TPD52L1: variants seen among roughly 807,000 people sequenced by gnomAD.
TPD52L1 encodes TPD52 like 1.
Under a neutral mutation model 28.7 loss-of-function variants are expected in TPD52L1, and 18 were observed. The observed-to-expected ratio is 0.63, with a 90% confidence interval of 0.43 to 0.93. The LOEUF (loss-of-function observed/expected upper bound fraction) is 0.93, where lower values mean the gene tolerates loss of function less well. Ranked by LOEUF, TPD52L1 falls within the 40% of genes least tolerant of loss-of-function variation. The pLI is 0.00. For synonymous variants in TPD52L1, 75 were observed against 88.8 expected, an observed-to-expected ratio of 0.84 and a Z score of 0.88; for missense variants, 203 against 254.8, an observed-to-expected ratio of 0.80 and a Z score of 1.39.
intron 1 of TPD52L1, among the ~76,000 whole-genome samples, chr6:125,188,269 C>T (rs142827570): frequency 6.6e-4 from 100 of 152,264 alleles, no homozygotes; most frequent in African/African-American, 2.4e-3. Context: ...TGGAAAGGCA[C>T]ATTTTTATCC....
At chr6:125,154,469 C>A in intron 1 of TPD52L1, 1 of 985,930 alleles carries the variant, frequency 1.0e-6, no homozygotes, top group Non-Finnish European at 1.2e-6. Context: ...GCTTCCCGCT[C>A]GGGGACCCGC....
chr6:125,259,875 G>A (rs1258391354), intron 6 of TPD52L1: 1 of 152,196 alleles, frequency 6.6e-6, no homozygotes, highest in Non-Finnish European at 1.5e-5. Context: ...ATGTAGAGAA[G>A]GGTCCAGGAG....
chr6:125,171,044 G>A (rs73771245), intron 1 of TPD52L1, among the ~76,000 whole-genome samples: 3 of 152,290 alleles, frequency 2.0e-5, no homozygotes, highest in African/African-American at 7.2e-5. Flanking sequence ...GTGGCAATGA[G>A]AGTAGCTTGA....
At chr6:125,232,716 A>C (rs536526318) in intron 3 of TPD52L1, among the ~76,000 whole-genome samples, 2 of 152,294 alleles carry the variant, frequency 1.3e-5, no homozygotes, top group African/African-American at 4.8e-5. Flanking sequence ...TTCAAATTGA[A>C]ATAGGCCTTG....
chr6:125,203,647 T>C (rs1793934632), intron 1 of TPD52L1: 1 of 985,324 alleles, frequency 1.0e-6, no homozygotes, highest in African/African-American at 1.7e-5. Flanking sequence ...ACCCTTGGTG[T>C]GTGCATAAGG....
intron 1 of TPD52L1, chr6:125,203,511 T>A (rs1451372050): frequency 7.4e-6 from 3 of 403,090 alleles, no homozygotes; most frequent in Non-Finnish European, 1.0e-5. Flanking sequence ...ATATTTGAAA[T>A]GTAGGAAATT....
rs146612845 is a variant in TPD52L1, at chr6:125,229,279, T to C, written c.284+13T>C. On this transcript the variant is annotated intron_variant, in intron 3 of 6. Coordinates refer to ENST00000534000, the MANE Select transcript of TPD52L1 (RefSeq NM_003287.4). ...AGACTACCACTGCGTAAGTATCATATGAACAGTGTTTTATTAACTCAGCCT... is the reference window on the plus strand; with the variant it reads ...AGACTACCACTGCGTAAGTATCATACGAACAGTGTTTTATTAACTCAGCCT... 1 of 1,598,546 alleles carries C rather than the reference T, an allele frequency of 6.3e-7. No homozygotes were observed. Among genetic ancestry groups the C allele is most frequent in the Non-Finnish European group, 8.5e-7 (1 of 1,174,210 alleles).
chr6:125,245,784 T>G (rs1202336081), intron 3 of TPD52L1, among the ~76,000 whole-genome samples: 1 of 152,190 alleles, frequency 6.6e-6, no homozygotes, highest in Non-Finnish European at 1.5e-5. Context: ...GAGCCGAGTT[T>G]CCATCCAGGC....
intron 6 of TPD52L1, among the ~76,000 whole-genome samples, chr6:125,258,167 G>C (rs1320643257): frequency 1.3e-5 from 2 of 152,132 alleles, no homozygotes; most frequent in African/African-American, 4.8e-5. Context: ...TCTTAGGGCA[G>C]GGTCTTTCAC....
chr6:125,259,194 T>C (rs948913087), intron 6 of TPD52L1, among the ~76,000 whole-genome samples: 1 of 152,252 alleles, frequency 6.6e-6, no homozygotes, highest in Non-Finnish European at 1.5e-5. Context: ...TGCAGGTCTA[T>C]GTGCTGCATT....
chr6:125,184,032 C>G (rs1792411700), intron 1 of TPD52L1, among the ~76,000 whole-genome samples: 1 of 152,128 alleles, frequency 6.6e-6, no homozygotes, highest in Non-Finnish European at 1.5e-5. Context: ...ATGGAATCCA[C>G]CCGTCTATTT....
chr6:125,179,496 C>T (rs1792046217), intron 1 of TPD52L1, among the ~76,000 whole-genome samples: 1 of 152,188 alleles, frequency 6.6e-6, no homozygotes, highest in African/African-American at 2.4e-5. Flanking sequence ...TCTATGAATG[C>T]TAGTTTTCCT....
rs144116104 is a variant in TPD52L1 at position 125,254,795 on chromosome 6, T to A, written c.425+1040T>A. ...AGTTTGTACATCTGATTAAATCTTA[T>A]TAAAGTTGTACATCTGATTAAATCT... On this transcript the variant is annotated intron_variant, in intron 5 of 6. Transcript: ENST00000534000. Among the ~76,000 whole-genome samples, 320 of 152,238 alleles carry A rather than the reference T, an allele frequency of 2.1e-3. 3 individuals carry two copies. The East Asian group carries it at 0.027, about 13-fold the overall frequency.
At chr6:125,177,730 T>C (rs1465568584) in intron 1 of TPD52L1, among the ~76,000 whole-genome samples, 5 of 152,226 alleles carry the variant, frequency 3.3e-5, no homozygotes, top group Admixed American at 3.3e-4. Context: ...TTTAGAAAAT[T>C]TCCACTTTTA....
At chr6:125,255,368 G>A (rs1797534334) in intron 5 of TPD52L1, among the ~76,000 whole-genome samples, 1 of 152,200 alleles carries the variant, frequency 6.6e-6, no homozygotes, top group Non-Finnish European at 1.5e-5. Flanking sequence ...TGGAAATGAA[G>A]TGCCAATAAC....
chr6:125,229,205 C>T lies in TPD52L1; in HGVS notation c.223C>T (p.Leu75=). ...GATAAAACAAAAACTCGGCATGAAC[C>T]TGATGAATGAATTAAAACAGAACTT... The part of the protein sequence containing the change: ...VEIKQKLGMN[L]MNELKQNFSK... The change falls in exon 3 of 7, where the codon CTG becomes TTG. Residue 75 remains leucine (L), a synonymous_variant. Coordinates refer to ENST00000534000, the MANE Select transcript of TPD52L1 (RefSeq NM_003287.4). The T allele has an allele frequency of 6.2e-7, 1 of 1,613,606 alleles. No homozygotes were observed.
intron 3 of TPD52L1, among the ~76,000 whole-genome samples, chr6:125,231,609 T>TTTG (rs144723103): frequency 1.3e-3 from 194 of 151,212 alleles, no homozygotes; most frequent in South Asian, 7.3e-3. Context: ...AGTTTGAGTT[T>TTTG]TTGTTGTTGT....
chr6:125,252,004 T>C (rs1471453868), intron 4 of TPD52L1: 2 of 1,536,114 alleles, frequency 1.3e-6, no homozygotes, highest in African/African-American at 1.4e-5. Flanking sequence ...TCTTCTCTCC[T>C]GTGCTTCCGG....
At chr6:125,168,522 T>C (rs1376071927) in intron 1 of TPD52L1, among the ~76,000 whole-genome samples, 2 of 151,604 alleles carry the variant, frequency 1.3e-5, no homozygotes, top group Admixed American at 6.6e-5. Flanking sequence ...TCTCAGATTT[T>C]TTTTTTTTTT....
Sources: gnomAD v4.1 joint callset for allele counts (sites outside exome capture counted in the v4.1 genomes callset) on GRCh38, gnomAD v4.1.1 for gene constraint, MANE v1.5 for transcripts, NCBI Gene and HGNC (gene_info 2026-07-23, HGNC 2026-07-21) for gene names.